The following SMIM10L3 variants were observed in gnomAD, a reference collection of about 807,000 sequenced individuals.
The protein encoded by SMIM10L3 is small integral membrane protein 10 like 3.
the SMIM10L3 span, among the ~76,000 whole-genome samples, chr7:6,332,350 T>C: frequency 1.3e-5 from 2 of 152,262 alleles, no homozygotes; most frequent in East Asian, 3.9e-4. Flanking sequence ...ATTAGTCTCA[T>C]GGAATGTACT....
At chr7:6,334,820 G>A in the SMIM10L3 span, among the ~76,000 whole-genome samples, 1 of 151,548 alleles carries the variant, frequency 6.6e-6, no homozygotes, top group East Asian at 2.0e-4. Flanking sequence ...CCAGGCTGGA[G>A]TACAATGGCA....
At chr7:6,339,891 ACTT>A in the SMIM10L3 span, among the ~76,000 whole-genome samples, 1 of 148,368 alleles carries the variant, frequency 6.7e-6, no homozygotes, top group Non-Finnish European at 1.5e-5. Context: ...CAGGCAACTG[ACTT>A]TCCGCAGGGA....
At chr7:6,332,179 T>C in the SMIM10L3 span, among the ~76,000 whole-genome samples, 5 of 151,986 alleles carry the variant, frequency 3.3e-5, no homozygotes, top group South Asian at 1.0e-3. Flanking sequence ...CTGGGCATGC[T>C]ACCTAGTGCA....
chr7:6,348,709 G>A, the SMIM10L3 span: 3 of 423,524 alleles, frequency 7.1e-6, no homozygotes, highest in Non-Finnish European at 1.3e-5. Flanking sequence ...GGAGCGGGCG[G>A]CGGCCGAGCG....
chr7:6,347,027 C>T, the SMIM10L3 span, among the ~76,000 whole-genome samples: 1 of 152,150 alleles, frequency 6.6e-6, no homozygotes, highest in South Asian at 2.1e-4. Flanking sequence ...TTTCCTTCCA[C>T]TAGAAAAAGT....
chr7:6,347,391 C>T, the SMIM10L3 span, among the ~76,000 whole-genome samples: 1 of 152,026 alleles, frequency 6.6e-6, no homozygotes, highest in African/African-American at 2.4e-5. Flanking sequence ...TGGCGGGCAC[C>T]TGTAGTCCCA....
At chr7:6,348,861 C>A in the SMIM10L3 span, 1 of 388,500 alleles carries the variant, frequency 2.6e-6, no homozygotes, top group Admixed American at 4.5e-5. Context: ...AAGGAGGCGG[C>A]GGCTAGACCG....
the SMIM10L3 span, among the ~76,000 whole-genome samples, chr7:6,346,332 T>C: frequency 6.6e-6 from 1 of 152,090 alleles, no homozygotes; most frequent in African/African-American, 2.4e-5. Flanking sequence ...TGACAGTACC[T>C]CAATTTGGAC....
chr7:6,347,042 T>C, the SMIM10L3 span, among the ~76,000 whole-genome samples: 9 of 152,212 alleles, frequency 5.9e-5, no homozygotes, highest in Non-Finnish European at 2.9e-5. Flanking sequence ...AAAAGTCATC[T>C]GAGGCTGGGC....
chr7:6,330,949 G>C, the SMIM10L3 span: 24 of 1,614,084 alleles, frequency 1.5e-5, no homozygotes, highest in Non-Finnish European at 2.0e-5. Flanking sequence ...AGCCCCGCTC[G>C]GATCCTTTCT....
chr7:6,340,352 T>G, the SMIM10L3 span, among the ~76,000 whole-genome samples: 1 of 152,084 alleles, frequency 6.6e-6, no homozygotes, highest in African/African-American at 2.4e-5. Flanking sequence ...GACAAAACGC[T>G]GCTGAGAGGG....
the SMIM10L3 span, among the ~76,000 whole-genome samples, chr7:6,336,590 A>T: frequency 6.6e-6 from 1 of 151,708 alleles, no homozygotes; most frequent in Non-Finnish European, 1.5e-5. Context: ...AGGCTGAGAC[A>T]CGAGAATCAC....
the SMIM10L3 span, among the ~76,000 whole-genome samples, chr7:6,335,439 G>T: frequency 6.6e-6 from 1 of 151,830 alleles, no homozygotes; most frequent in Non-Finnish European, 1.5e-5. Context: ...ATGTTGCCAG[G>T]CTGGTCTTGA....
At chr7:6,333,321 T>A in the SMIM10L3 span, among the ~76,000 whole-genome samples, 1 of 152,140 alleles carries the variant, frequency 6.6e-6, no homozygotes, top group African/African-American at 2.4e-5. Context: ...CCGAGAAGCT[T>A]CAGCAAGGAC....
chr7:6,336,074 G>A, the SMIM10L3 span, among the ~76,000 whole-genome samples: 1 of 151,746 alleles, frequency 6.6e-6, no homozygotes, highest in East Asian at 1.9e-4. Context: ...TCAGGAGGCT[G>A]AGGCAGGACA....
At chr7:6,341,687 C>CAA in the SMIM10L3 span, among the ~76,000 whole-genome samples, 30 of 110,708 alleles carry the variant, frequency 2.7e-4, no homozygotes, top group East Asian at 4.1e-3. Context: ...AAGACTCTGT[C>CAA]AAAAAAAAAA....
At chr7:6,338,399 TACAA>T in the SMIM10L3 span, among the ~76,000 whole-genome samples, 176 of 152,236 alleles carry the variant, frequency 1.2e-3, no homozygotes, top group African/African-American at 4.0e-3. Flanking sequence ...ATGATGGTAT[TACAA>T]ACAAAGGTAG....
the SMIM10L3 span, among the ~76,000 whole-genome samples, chr7:6,347,517 GAA>G: frequency 0.1 from 15,278 of 145,608 alleles, 982 homozygotes; most frequent in Non-Finnish European, 0.15. Flanking sequence ...CTGTCTCAGG[GAA>G]AAAAAAAAAA....
the SMIM10L3 span, among the ~76,000 whole-genome samples, chr7:6,337,417 C>T: frequency 2.6e-5 from 4 of 151,454 alleles, no homozygotes; most frequent in Admixed American, 2.6e-4. Flanking sequence ...CCACTGCGCC[C>T]GCCCAGTATT....
Sources: allele counts gnomAD v4.1 joint callset (sites outside exome capture counted in the v4.1 genomes callset), GRCh38; gene constraint gnomAD v4.1.1; transcripts MANE v1.5; gene names NCBI Gene and HGNC (gene_info 2026-07-23, HGNC 2026-07-21).